MAML2: variants seen among roughly 807,000 people sequenced by gnomAD.
MAML2 encodes mastermind like transcriptional coactivator 2.
A neutral mutation model predicts 96.1 loss-of-function variants in MAML2; 22 were observed. The observed-to-expected ratio is 0.23, with a 90% CI of 0.16 to 0.33. The LOEUF (loss-of-function observed/expected upper bound fraction) is 0.33. Ranked by LOEUF, MAML2 falls within the 10% of genes least tolerant of loss-of-function variation. MAML2 has a pLI of 1.00. For synonymous variants in MAML2, 561 were observed against 521.3 expected (o/e 1.08, Z -1.04); for missense variants, 1,367 against 1,392.4 (o/e 0.98, Z 0.29).
chr11:96,151,083 T>C (rs752846847), intron 1 of MAML2, among the ~76,000 whole-genome samples: 23 of 152,216 alleles, frequency 1.5e-4, no homozygotes, highest in Non-Finnish European at 2.6e-4. Context: ...ACACAAAACC[T>C]TCTGTTGCTC....
chr11:95,986,633 G>T (rs1181790740), intron 3 of MAML2, among the ~76,000 whole-genome samples: 1 of 152,148 alleles, frequency 6.6e-6, no homozygotes, highest in Non-Finnish European at 1.5e-5. Flanking sequence ...TTAAAGGTAG[G>T]TATGATTATT....
intron 1 of MAML2, among the ~76,000 whole-genome samples, chr11:96,232,713 C>T (rs137869222): frequency 7.8e-4 from 118 of 152,254 alleles, no homozygotes; most frequent in Non-Finnish European, 1.5e-3. Flanking sequence ...CCTCGCGATC[C>T]GCCTATCTCA....
intron 1 of MAML2, among the ~76,000 whole-genome samples, chr11:96,321,496 A>G (rs1312799771): frequency 6.6e-6 from 1 of 152,208 alleles, no homozygotes; most frequent in Non-Finnish European, 1.5e-5. Context: ...TTCCTTTATC[A>G]TATTTCTGTA....
At chr11:96,033,563 T>A (rs951073089) in intron 2 of MAML2, among the ~76,000 whole-genome samples, 2 of 152,226 alleles carry the variant, frequency 1.3e-5, no homozygotes, top group African/African-American at 2.4e-5. Context: ...CTTGACGCAC[T>A]GTAAATGCTC....
intron 2 of MAML2, among the ~76,000 whole-genome samples, chr11:96,082,789 CA>C (rs1311300995): frequency 6.6e-6 from 1 of 152,160 alleles, no homozygotes; most frequent in Non-Finnish European, 1.5e-5. Context: ...ATTACAGTAT[CA>C]AAGCACGAAG....
intron 1 of MAML2, among the ~76,000 whole-genome samples, chr11:96,185,345 C>T (rs767948278): frequency 2.6e-5 from 4 of 152,136 alleles, no homozygotes; most frequent in Non-Finnish European, 5.9e-5. Context: ...GTGGGCTGAC[C>T]AGGTGTCACA....
intron 1 of MAML2, among the ~76,000 whole-genome samples, chr11:96,128,705 A>G (rs1860493874): frequency 6.6e-6 from 1 of 152,244 alleles, no homozygotes; most frequent in Admixed American, 6.5e-5. Context: ...AAATAACTCA[A>G]TAAACAAGTA....
intron 1 of MAML2, among the ~76,000 whole-genome samples, chr11:96,188,734 G>T (rs1861609778): frequency 4.0e-5 from 6 of 151,838 alleles, no homozygotes; most frequent in Admixed American, 3.9e-4. Flanking sequence ...GAGTGAAATT[G>T]TGTGTGGGAG....
At chr11:96,132,111 A>G (rs1048572379) in intron 1 of MAML2, among the ~76,000 whole-genome samples, 2 of 152,356 alleles carry the variant, frequency 1.3e-5, no homozygotes, top group African/African-American at 4.8e-5. Flanking sequence ...AATAGAATAC[A>G]TAGCTCATGG....
At chr11:96,124,752 G>A (rs1591027490) in intron 1 of MAML2, among the ~76,000 whole-genome samples, 1 of 152,160 alleles carries the variant, frequency 6.6e-6, no homozygotes, top group East Asian at 1.9e-4. Flanking sequence ...TACACCTCGT[G>A]AAAGGGCATG....
At chr11:96,084,041 GTAT>G (rs1859568726) in intron 2 of MAML2, among the ~76,000 whole-genome samples, 1 of 152,136 alleles carries the variant, frequency 6.6e-6, no homozygotes, top group South Asian at 2.1e-4. Flanking sequence ...AAGGAACAGC[GTAT>G]TTGAAGACCT....
chr11:96,331,675 G>C (rs192273541), intron 1 of MAML2, among the ~76,000 whole-genome samples: 1 of 151,394 alleles, frequency 6.6e-6, no homozygotes, highest in Non-Finnish European at 1.5e-5. Context: ...AAAATTAGCC[G>C]GGCGTGGTGG....
intron 1 of MAML2, among the ~76,000 whole-genome samples, chr11:96,185,804 G>A (rs913798207): frequency 6.6e-6 from 1 of 152,148 alleles, no homozygotes; most frequent in Non-Finnish European, 1.5e-5. Context: ...CCAGTCTTCT[G>A]GTCTTTGTTT....
intron 1 of MAML2, among the ~76,000 whole-genome samples, chr11:96,280,988 G>T (rs1241709525): frequency 6.6e-6 from 1 of 152,126 alleles, no homozygotes; most frequent in Admixed American, 6.5e-5. Flanking sequence ...TCAGATGAAT[G>T]AACTAATAAA....
chr11:95,990,975 G>A (rs1857900578), intron 3 of MAML2, among the ~76,000 whole-genome samples: 1 of 151,900 alleles, frequency 6.6e-6, no homozygotes, highest in African/African-American at 2.4e-5. Flanking sequence ...GCCATTAAAA[G>A]TAGTGGCAAA....
At chr11:96,308,742 TA>T (rs1299189500) in intron 1 of MAML2, among the ~76,000 whole-genome samples, 5 of 152,220 alleles carry the variant, frequency 3.3e-5, no homozygotes, top group African/African-American at 1.2e-4. Context: ...CTAGCTATAA[TA>T]ATGTATATTT....
intron 1 of MAML2, among the ~76,000 whole-genome samples, chr11:96,265,893 A>C (rs920677755): frequency 6.6e-5 from 10 of 152,170 alleles, no homozygotes; most frequent in African/African-American, 2.4e-4. Context: ...TCATTCTCCA[A>C]GCCCACGTGT....
At chr11:96,229,532 G>A (rs1862260629) in intron 1 of MAML2, among the ~76,000 whole-genome samples, 1 of 147,868 alleles carries the variant, frequency 6.8e-6, no homozygotes, top group Non-Finnish European at 1.5e-5. Context: ...TCACAATGTG[G>A]CTAGTCTTTC....
chr11:96,262,189 C>T (rs1862759197), intron 1 of MAML2, among the ~76,000 whole-genome samples: 1 of 152,136 alleles, frequency 6.6e-6, no homozygotes, highest in Non-Finnish European at 1.5e-5. Context: ...GTCACTGAGA[C>T]ATTGGAAGAT....
Sources: allele counts gnomAD v4.1 joint callset (sites outside exome capture counted in the v4.1 genomes callset), GRCh38; gene constraint gnomAD v4.1.1; transcripts MANE v1.5; gene names NCBI Gene and HGNC (gene_info 2026-07-23, HGNC 2026-07-21).